Variants in ZNF875 observed in about 807,000 individuals in gnomAD.
ZNF875 encodes zinc finger protein 875.
ZNF875 carries 14 observed loss-of-function variants against 11.2 expected under a neutral mutation model. That is an observed-to-expected ratio of 1.26 (90% CI 0.83 to 1.96). The LOEUF is 1.96. ZNF875 is among the 30% of genes most tolerant of loss of function. The pLI is 0.00. For missense variants in ZNF875, 752 were observed against 760.4 expected, an observed-to-expected ratio of 0.99 and a Z score of 0.13; for synonymous variants, 301 against 281.1, an observed-to-expected ratio of 1.07 and a Z score of -0.71.
At chr19:37,343,391 C>T (rs902893891) in intron 2 of ZNF875, among the ~76,000 whole-genome samples, 5 of 141,616 alleles carry the variant, frequency 3.5e-5, no homozygotes, top group African/African-American at 1.0e-4. Flanking sequence ...AAAAACCAAA[C>T]AAACTTAGCA....
At chr19:37,321,215 G>A (rs1243895563) in intron 1 of ZNF875, among the ~76,000 whole-genome samples, 1 of 152,250 alleles carries the variant, frequency 6.6e-6, no homozygotes, top group East Asian at 1.9e-4. Context: ...TAAAGGGTCC[G>A]TGGTGAGGAG....
intron 3 of ZNF875, chr19:37,324,164 A>T (rs1347647058): frequency 6.6e-6 from 1 of 152,228 alleles, no homozygotes; most frequent in Non-Finnish European, 1.5e-5. Flanking sequence ...CAGATGATAG[A>T]GAAATCACCA....
At position 37,335,211 on chromosome 19, in the gene ZNF875, A is replaced by C. The variant is rs780231081; in HGVS notation, c.-14A>C. 1.4e-6 allele frequency: 1 copy of C among 702,544 alleles called. No homozygotes were observed. The highest frequency in any genetic ancestry group is 2.6e-6 in the Non-Finnish European group (1 of 384,668). The allele number at this position is 702,544 out of a possible 1,614,324, so 43.5% of individuals were successfully genotyped here. A position where few individuals can be genotyped will look rare whatever the true frequency, so the allele number is the denominator to read the frequency against. ...TTGCCCTTCTCCAGGAAGAGCACTC[A>C]GGAGACCAGGAAAATGGCCACAGGG... On this transcript the variant is annotated 5_prime_UTR_variant, in exon 2 of 5. Coordinates refer to ENST00000392153, the MANE Select transcript of ZNF875 (RefSeq NM_001353803.2).
At chr19:37,331,808 C>A (rs1303854439), upstream of ZNF875, among the ~76,000 whole-genome samples, 2 of 115,512 alleles carry the variant, frequency 1.7e-5, 1 homozygote, top group Non-Finnish European at 4.2e-5. Context: ...CCCGACACCC[C>A]CAGCCCGACA....
In ZNF875 at chr19:37,354,905, C is replaced by A. The variant is rs60574955; in HGVS notation, c.256+7033C>A. On this transcript the variant is annotated intron_variant, in intron 4 of 4. Coordinates refer to ENST00000392153, the MANE Select transcript of ZNF875 (RefSeq NM_001353803.2). Reference sequence around the variant, plus strand: ...ATGAGACCATCACCAAATGGGCTACCATCCAACCTCCAGAATTGTGAGCCA... The same window carrying A: ...ATGAGACCATCACCAAATGGGCTACAATCCAACCTCCAGAATTGTGAGCCA... Among the ~76,000 whole-genome samples, 565 of 152,288 alleles carry A rather than the reference C, an allele frequency of 3.7e-3. 2 individuals carry two copies. Among genetic ancestry groups the A allele is most frequent in the African/African-American group, 0.013 (545 of 41,568 alleles).
intron 4 of ZNF875, among the ~76,000 whole-genome samples, chr19:37,324,623 A>G (rs941071775): frequency 3.3e-5 from 5 of 152,186 alleles, no homozygotes; most frequent in Non-Finnish European, 5.9e-5. Context: ...TTCTACCCCT[A>G]ACATTAAAGT....
chr19:37,358,131 ATCTTTT>A, intron 4 of ZNF875: 1 of 174,204 alleles, frequency 5.7e-6, no homozygotes. Flanking sequence ...TATTAAGATG[ATCTTTT>A]TTTTTTTTTT....
intron 3 of ZNF875, chr19:37,323,638 C>A (rs1275133678): frequency 6.6e-6 from 1 of 152,154 alleles, no homozygotes; most frequent in African/African-American, 2.4e-5. Context: ...TGGTTTTGGG[C>A]TGCACGAGAG....
chr19:37,336,764 T>C (rs1046550638), intron 2 of ZNF875, among the ~76,000 whole-genome samples: 1 of 150,386 alleles, frequency 6.6e-6, no homozygotes, highest in Non-Finnish European at 1.5e-5. Flanking sequence ...AGAAATTAGC[T>C]GGGCATGGTG....
At chr19:37,329,658 A>G (rs575059971), upstream of ZNF875, among the ~76,000 whole-genome samples, 1 of 152,238 alleles carries the variant, frequency 6.6e-6, no homozygotes, top group South Asian at 2.1e-4. Flanking sequence ...ATTTTCTGTC[A>G]TTGTACCTAC....
chr19:37,338,592 A>G (rs182726284), intron 2 of ZNF875, among the ~76,000 whole-genome samples: 10 of 152,308 alleles, frequency 6.6e-5, no homozygotes, highest in African/African-American at 1.4e-4. Flanking sequence ...TTGTTCTTCA[A>G]TGTAGCTTTT....
At chr19:37,347,496 T>G in intron 3 of ZNF875, 180 bp downstream of exon 3, 2 of 630,964 alleles carry the variant, frequency 3.2e-6, no homozygotes, top group Non-Finnish European at 5.5e-6. Flanking sequence ...GATTTATTCA[T>G]GTTATGGATG....
chr19:37,339,718 C>T (rs1039377216), intron 2 of ZNF875, among the ~76,000 whole-genome samples: 1 of 151,734 alleles, frequency 6.6e-6, no homozygotes, highest in Admixed American at 6.6e-5. Context: ...GTGCCCGCCA[C>T]CACACCAGGC....
intron 3 of ZNF875, among the ~76,000 whole-genome samples, chr19:37,323,873 C>T (rs1323059552): frequency 3.9e-5 from 6 of 152,186 alleles, no homozygotes; most frequent in Non-Finnish European, 7.3e-5. Flanking sequence ...TTCAAATGCA[C>T]ACCCCGGTGC....
At chr19:37,314,866 TA>T (rs1204348266), upstream of ZNF875, 2 of 152,022 alleles carry the variant, frequency 1.3e-5, no homozygotes, top group Admixed American at 6.5e-5. Flanking sequence ...ACATAGGCAC[TA>T]TTTTTTTTTG....
intron 2 of ZNF875, among the ~76,000 whole-genome samples, chr19:37,344,075 T>A (rs919039911): frequency 6.6e-6 from 1 of 152,126 alleles, no homozygotes; most frequent in Non-Finnish European, 1.5e-5. Flanking sequence ...TGTCTGCCAA[T>A]AGCAACTTTG....
intron 4 of ZNF875, among the ~76,000 whole-genome samples, chr19:37,360,076 A>G (rs1371183072): frequency 1.3e-5 from 2 of 152,230 alleles, no homozygotes; most frequent in Non-Finnish European, 2.9e-5. Context: ...ATTTAGAGCT[A>G]CAATCCATTT....
chr19:37,358,133 CTTTTTTTT>C (rs35011906), intron 4 of ZNF875: 39 of 85,580 alleles, frequency 4.6e-4, no homozygotes, highest in African/African-American at 1.4e-3. Context: ...TTAAGATGAT[CTTTTTTTT>C]TTTTTTTTTT....
At chr19:37,336,772 G>C (rs1478435179) in intron 2 of ZNF875, among the ~76,000 whole-genome samples, 1 of 151,684 alleles carries the variant, frequency 6.6e-6, no homozygotes, top group African/African-American at 2.4e-5. Flanking sequence ...GCTGGGCATG[G>C]TGGCAAGCGC....
Sources: allele counts gnomAD v4.1 joint callset (sites outside exome capture counted in the v4.1 genomes callset), GRCh38; gene constraint gnomAD v4.1.1; transcripts MANE v1.5; gene names NCBI Gene and HGNC (gene_info 2026-07-23, HGNC 2026-07-21).